PALLD: variants seen among roughly 807,000 people sequenced by gnomAD.
The protein encoded by PALLD is palladin.
In PALLD, 61 loss-of-function variants were observed where a neutral mutation model predicts 123.5. The observed-to-expected ratio is 0.49, with a 90% CI of 0.40 to 0.61. The LOEUF (loss-of-function observed/expected upper bound fraction) is 0.61, where lower values mean the gene tolerates loss of function less well. Ranked by LOEUF, PALLD falls within the 20% of genes least tolerant of loss-of-function variation. The pLI is 0.00. For synonymous variants in PALLD, 465 were observed against 496.4 expected (o/e 0.94, Z 0.84); for missense variants, 1,273 against 1,377.0 (o/e 0.92, Z 1.20).
At chr4:168,566,393 G>C (rs942287132) in intron 2 of PALLD, among the ~76,000 whole-genome samples, 1 of 152,064 alleles carries the variant, frequency 6.6e-6, no homozygotes, top group Non-Finnish European at 1.5e-5. Context: ...GATCTCCCAG[G>C]GTCAATCAAT....
intron 5 of PALLD, 69 bp downstream of exon 5, chr4:168,683,172 A>G (rs1343900305): frequency 3.4e-5 from 28 of 827,528 alleles, no homozygotes; most frequent in Non-Finnish European, 5.5e-5. Context: ...TTTTAAGAAT[A>G]TGACTTTGAT....
chr4:168,730,504 G>A (rs564100523), intron 10 of PALLD, among the ~76,000 whole-genome samples: 1 of 151,872 alleles, frequency 6.6e-6, no homozygotes, highest in Non-Finnish European at 1.5e-5. Flanking sequence ...GTTTTTCTGT[G>A]TGTGCATTTG....
intron 10 of PALLD, among the ~76,000 whole-genome samples, chr4:168,826,694 A>G (rs1250551392): frequency 6.6e-6 from 1 of 151,914 alleles, no homozygotes; most frequent in Admixed American, 6.5e-5. Context: ...CAAACAAACA[A>G]AAACCAGCTC....
At chr4:168,803,362 C>T (rs995363664) in intron 10 of PALLD, among the ~76,000 whole-genome samples, 15 of 152,078 alleles carry the variant, frequency 9.9e-5, no homozygotes, top group African/African-American at 3.6e-4. Context: ...ATCATGAGAA[C>T]AGCAAGGAGG....
chr4:168,584,045 G>A (rs1770560673), intron 2 of PALLD, among the ~76,000 whole-genome samples: 1 of 152,136 alleles, frequency 6.6e-6, no homozygotes, highest in Non-Finnish European at 1.5e-5. Context: ...CTAATGAAAT[G>A]GCACATAAAG....
At chr4:168,525,982 T>A (rs979449636) in intron 2 of PALLD, among the ~76,000 whole-genome samples, 1 of 152,224 alleles carries the variant, frequency 6.6e-6, no homozygotes, top group Non-Finnish European at 1.5e-5. Context: ...TTTATACTGA[T>A]CTAGTCCCTT....
chr4:168,534,830 T>A (rs1307926321), intron 2 of PALLD, among the ~76,000 whole-genome samples: 1 of 152,230 alleles, frequency 6.6e-6, no homozygotes, highest in Non-Finnish European at 1.5e-5. Flanking sequence ...TAATAGGTTA[T>A]CTCATACTAA....
intron 14 of PALLD, among the ~76,000 whole-genome samples, chr4:168,900,421 T>C (rs1024838936): frequency 1.3e-5 from 2 of 151,836 alleles, no homozygotes; most frequent in Non-Finnish European, 2.9e-5. Flanking sequence ...GAAACTATAA[T>C]GAAAGAACAA....
chr4:168,575,553 C>G (rs13142882), intron 2 of PALLD, among the ~76,000 whole-genome samples: 3,899 of 152,058 alleles, frequency 0.026, 84 homozygotes, highest in Non-Finnish European at 0.043. Context: ...ACCATATCAC[C>G]ACTCTAACCC....
At chr4:168,689,372 A>G (rs887928524) in intron 6 of PALLD, among the ~76,000 whole-genome samples, 3 of 145,548 alleles carry the variant, frequency 2.1e-5, no homozygotes, top group Non-Finnish European at 4.5e-5. Context: ...TGGTGTATAT[A>G]TGGATAAATT....
In PALLD at chr4:168,679,556, G is replaced by GGT. The variant is rs367612871; in HGVS notation, c.1088-1763_1088-1762dup. ...ATGGTGTGTGGGGAGTGTGTGGTGG[G>GGT]GTGTGTGTGTGTGTCCTCTTCACTG... On this transcript the variant is annotated intron_variant, in intron 3 of 21. Coordinates refer to ENST00000505667, the MANE Select transcript of PALLD (RefSeq NM_001166108.2). Among the ~76,000 whole-genome samples the GGT allele has an allele frequency of 3.0e-3, 444 of 149,890 alleles. 2 individuals carry two copies. Among genetic ancestry groups the GGT allele is most frequent in the African/African-American group, 0.01 (420 of 40,744 alleles).
intron 2 of PALLD, among the ~76,000 whole-genome samples, chr4:168,621,441 G>A (rs2710845): frequency 0.18 from 27,865 of 152,142 alleles, 3,085 homozygotes; most frequent in African/African-American, 0.31. Flanking sequence ...GGGCCGCTAC[G>A]TGACACAAAC....
chr4:168,898,225 T>G (rs1755675408), intron 13 of PALLD: 2 of 489,024 alleles, frequency 4.1e-6, no homozygotes, highest in Non-Finnish European at 3.7e-6. Flanking sequence ...TTGTTTCCCC[T>G]CGCCTCAGAG....
intron 10 of PALLD, among the ~76,000 whole-genome samples, chr4:168,846,500 T>G (rs1746867233): frequency 6.6e-6 from 1 of 152,226 alleles, no homozygotes; most frequent in South Asian, 2.1e-4. Context: ...ACACCCGTTA[T>G]GCGAGGGAGA....
intron 10 of PALLD, among the ~76,000 whole-genome samples, chr4:168,753,928 ATTG>A (rs1350265126): frequency 6.6e-6 from 1 of 152,220 alleles, no homozygotes; most frequent in African/African-American, 2.4e-5. Context: ...GTTAATGCTT[ATTG>A]TTGTTCTAAG....
chr4:168,646,411 T>C (rs1777459337), intron 2 of PALLD, among the ~76,000 whole-genome samples: 1 of 152,214 alleles, frequency 6.6e-6, no homozygotes, highest in Admixed American at 6.5e-5. Context: ...CGGGGCTTCG[T>C]TGCCAAGCCT....
chr4:168,596,948 GT>G (rs1772050262), intron 2 of PALLD, among the ~76,000 whole-genome samples: 1 of 151,934 alleles, frequency 6.6e-6, no homozygotes, highest in African/African-American at 2.4e-5. Context: ...TTTTCAAAGT[GT>G]TGTCATCAAT....
intron 2 of PALLD, among the ~76,000 whole-genome samples, chr4:168,664,471 T>G (rs1049154210): frequency 6.6e-6 from 1 of 152,232 alleles, no homozygotes; most frequent in African/African-American, 2.4e-5. Context: ...TTGGTGCTTG[T>G]AAACCACTAG....
intron 2 of PALLD, among the ~76,000 whole-genome samples, chr4:168,580,586 A>G (rs1045085514): frequency 1.3e-5 from 2 of 152,096 alleles, no homozygotes; most frequent in African/African-American, 4.8e-5. Context: ...AGAACTAACT[A>G]CAGAACTATC....
Sources: allele counts gnomAD v4.1 joint callset (sites outside exome capture counted in the v4.1 genomes callset), GRCh38; gene constraint gnomAD v4.1.1; transcripts MANE v1.5; gene names NCBI Gene and HGNC (gene_info 2026-07-23, HGNC 2026-07-21).